Variants in HTR2C observed in about 807,000 individuals in gnomAD.
HTR2C encodes the protein 5-hydroxytryptamine receptor 2C.
In HTR2C, 5 loss-of-function variants were observed where a neutral mutation model predicts 21.0. The ratio of observed to expected loss-of-function variants is 0.24; its 90% CI spans 0.12 to 0.50. The LOEUF (loss-of-function observed/expected upper bound fraction) is 0.50. Among genes scored for constraint, HTR2C ranks in the 20% least tolerant of loss-of-function variants. HTR2C has a pLI of 0.98. For missense variants in HTR2C, 271 were observed against 371.2 expected (o/e 0.73, Z 2.22); for synonymous variants, 150 against 145.3 (o/e 1.03, Z -0.23).
chrX:114,696,428 G>T (rs1932278384), intron 2 of HTR2C, among the ~76,000 whole-genome samples: 1 of 110,900 alleles, frequency 9.0e-6, no homozygotes, highest in African/African-American at 3.3e-5. Context: ...AGAATATGTG[G>T]AAGAACAAAG....
intron 4 of HTR2C, among the ~76,000 whole-genome samples, chrX:114,788,513 C>T (rs1168509369): frequency 2.7e-5 from 3 of 110,880 alleles, no homozygotes; most frequent in African/African-American, 6.6e-5. Context: ...CCACCTGCCT[C>T]GGCCTCCCAA....
intron 1 of HTR2C, among the ~76,000 whole-genome samples, chrX:114,605,759 A>T (rs1239177239): frequency 9.1e-6 from 1 of 109,292 alleles, no homozygotes; most frequent in African/African-American, 3.3e-5. Context: ...TAGAAGGAGG[A>T]ATGGAGGGTG....
chrX:114,817,120 A>T (rs1382780205), intron 4 of HTR2C, among the ~76,000 whole-genome samples: 1 of 110,967 alleles, frequency 9.0e-6, no homozygotes, highest in Non-Finnish European at 1.9e-5. Flanking sequence ...TATTTGAGAC[A>T]ATTTTTAATA....
At chrX:114,702,208 A>G (rs1173722074) in intron 2 of HTR2C, among the ~76,000 whole-genome samples, 15 of 111,505 alleles carry the variant, frequency 1.3e-4, no homozygotes, top group Non-Finnish European at 2.1e-4. Flanking sequence ...AAATACAGAG[A>G]ATGCCACAAA....
intron 1 of HTR2C, among the ~76,000 whole-genome samples, chrX:114,588,604 A>G (rs1163228444): frequency 9.7e-6 from 1 of 102,591 alleles, no homozygotes; most frequent in Non-Finnish European, 2.0e-5. Flanking sequence ...TGAATTGGCT[A>G]GGATTTCCTT....
chrX:114,766,878 T>C (rs1438887434), intron 4 of HTR2C, among the ~76,000 whole-genome samples: 1 of 111,042 alleles, frequency 9.0e-6, no homozygotes, highest in Non-Finnish European at 1.9e-5. Context: ...TCAATGCTCA[T>C]ATAACATTAA....
At chrX:114,700,909 C>T (rs1230018174) in intron 2 of HTR2C, among the ~76,000 whole-genome samples, 1 of 111,612 alleles carries the variant, frequency 9.0e-6, no homozygotes, top group African/African-American at 3.3e-5. Flanking sequence ...GAGATTATAT[C>T]CCGCACCTGG....
intron 2 of HTR2C, among the ~76,000 whole-genome samples, chrX:114,706,783 T>A (rs1033603451): frequency 9.0e-6 from 1 of 111,140 alleles, no homozygotes; most frequent in Non-Finnish European, 1.9e-5. Flanking sequence ...ATAAATACAA[T>A]CTGCAGCTGG....
At chrX:114,662,452 A>G (rs1445307193) in intron 2 of HTR2C, among the ~76,000 whole-genome samples, 2 of 111,809 alleles carry the variant, frequency 1.8e-5, no homozygotes, top group Non-Finnish European at 3.8e-5. Context: ...CACACACACC[A>G]AGATGCAGAT....
chrX:114,783,528 T>A (rs2070141145), intron 4 of HTR2C, among the ~76,000 whole-genome samples: 1 of 111,672 alleles, frequency 9.0e-6, no homozygotes, highest in African/African-American at 3.2e-5. Flanking sequence ...TTTCACTAAT[T>A]GATAGAACAA....
In HTR2C at chrX:114,700,892, G is replaced by A. The variant is rs782292464; in HGVS notation, c.-79-25966G>A. 8.9e-5 allele frequency among the ~76,000 whole-genome samples: 10 copies of A among 112,027 alleles called. No homozygotes were observed. The East Asian group carries it at 1.4e-3, about 16-fold the overall frequency. ...TTTTCCGACGGGCTTAAAAAACAGC[G>A]CACCAGGAGATTATATCCCGCACCT... On this transcript the variant is annotated intron_variant, in intron 2 of 5. Coordinates refer to ENST00000276198, the MANE Select transcript of HTR2C (RefSeq NM_000868.4).
intron 4 of HTR2C, among the ~76,000 whole-genome samples, chrX:114,806,531 A>T (rs1213515796): frequency 2.2e-5 from 2 of 89,863 alleles, no homozygotes; most frequent in African/African-American, 8.1e-5. Flanking sequence ...TATATACACC[A>T]TATATATACC....
intron 5 of HTR2C, among the ~76,000 whole-genome samples, chrX:114,905,558 A>T (rs1556486399): frequency 9.0e-6 from 1 of 111,624 alleles, no homozygotes; most frequent in African/African-American, 3.3e-5. Context: ...GTCTCCTCTC[A>T]CAGTTCATGA....
rs182436017 is a variant in HTR2C, at chrX:114,716,547, A to G, written c.-79-10311A>G. ...AACATTATCTTGGAGGAGAGGGAAT[A>G]AAAGTAATGAGCCTAGACTTGCATT... On this transcript the variant is annotated intron_variant, in intron 2 of 5. Coordinates refer to ENST00000276198, the MANE Select transcript of HTR2C (RefSeq NM_000868.4). 1.7e-4 allele frequency among the ~76,000 whole-genome samples: 19 copies of G among 111,675 alleles called. No individual in the cohort carries two copies. The East Asian group carries it at 5.4e-3, about 31-fold the overall frequency.
chrX:114,800,059 T>C (rs1556446390), intron 4 of HTR2C, among the ~76,000 whole-genome samples: 1 of 110,405 alleles, frequency 9.1e-6, no homozygotes, highest in Non-Finnish European at 1.9e-5. Context: ...GTAACTGGGT[T>C]TTTGAGAGGC....
chrX:114,622,186 A>T (rs1390365381), intron 2 of HTR2C, among the ~76,000 whole-genome samples: 3 of 111,909 alleles, frequency 2.7e-5, no homozygotes, highest in Non-Finnish European at 3.8e-5. Context: ...ACAGCAGATT[A>T]AAAAGGGAAG....
intron 2 of HTR2C, among the ~76,000 whole-genome samples, chrX:114,702,887 C>A (rs1330768581): frequency 9.4e-6 from 1 of 105,957 alleles, no homozygotes. Flanking sequence ...AAATGGAAAA[C>A]CAAAGAGGCA....
At position 114,757,386 on chromosome X, in the gene HTR2C, A is replaced by G. The variant is rs73638468; in HGVS notation, c.349+25779A>G. Among the ~76,000 whole-genome samples the G allele has an allele frequency of 7.8e-3, 873 of 111,968 alleles. 14 individuals carry two copies. The highest frequency in any genetic ancestry group is 0.026 in the African/African-American group (815 of 30,895). On this transcript the variant is annotated intron_variant, in intron 4 of 5. Coordinates refer to ENST00000276198, the MANE Select transcript of HTR2C (RefSeq NM_000868.4). ...ATAGAATTGTAATTTTTTTGTCACCAGTTTAGCCACAACTTCATAATCTTC... is the reference window on the plus strand; with the variant it reads ...ATAGAATTGTAATTTTTTTGTCACCGGTTTAGCCACAACTTCATAATCTTC...
chrX:114,672,130 G>A (rs1931401003), intron 2 of HTR2C, among the ~76,000 whole-genome samples: 1 of 112,199 alleles, frequency 8.9e-6, no homozygotes, highest in African/African-American at 3.2e-5. Context: ...TTATAAGAGA[G>A]AAGTGCTAAA....
Sources: allele counts gnomAD v4.1 joint callset (sites outside exome capture counted in the v4.1 genomes callset), GRCh38; gene constraint gnomAD v4.1.1; transcripts MANE v1.5; gene names NCBI Gene and HGNC (gene_info 2026-07-23, HGNC 2026-07-21).